The following NOC3L variants were observed in gnomAD, a reference collection of about 807,000 sequenced individuals.
NOC3L encodes nucleolar complex protein 3 homolog.
Under a neutral mutation model 102.5 loss-of-function variants are expected in NOC3L, and 85 were observed. The ratio of observed to expected loss-of-function variants is 0.83; its 90% CI spans 0.70 to 0.99. The LOEUF (loss-of-function observed/expected upper bound fraction) is 0.99. Among genes scored for constraint, NOC3L ranks in the 50% least tolerant of loss-of-function variants. The pLI is 0.00. For missense variants in NOC3L, 878 were observed against 914.9 expected, an observed-to-expected ratio of 0.96 and a Z score of 0.52; for synonymous variants, 303 against 309.4, an observed-to-expected ratio of 0.98 and a Z score of 0.22.
In NOC3L at chr10:94,334,776, AATTAG is replaced by A. The variant is rs1330591201; in HGVS notation, c.2190-63_2190-59del. ...CACCACATCTGTGTAACTCAAAAAT[AATTAG>A]ATTATACTCAGAGAATGATTCATTC... On this transcript the variant is annotated intron_variant, in intron 19 of 20. Transcript: ENST00000371361. 6.0e-6 allele frequency: 7 copies of A among 1,173,788 alleles called. No individual in the cohort carries two copies. In the African/African-American group the frequency reaches 1.1e-4, roughly 18 times the overall value. 72.7% of individuals were successfully genotyped at this position (1,173,788 alleles called of 1,614,324 possible).
At chr10:94,327,988 A>G in the NOC3L span, 1 of 532,512 alleles carries the variant, frequency 1.9e-6, no homozygotes. Flanking sequence ...TTAAGCAAGA[A>G]GTTAAAGAGT....
downstream of NOC3L, chr10:94,332,868 A>G (rs1203512945): frequency 1.3e-5 from 2 of 152,218 alleles, no homozygotes; most frequent in African/African-American, 4.8e-5. Flanking sequence ...TTGGTTATCC[A>G]CACAAATATT....
the NOC3L span, chr10:94,324,776 C>T: frequency 9.0e-7 from 1 of 1,113,908 alleles, no homozygotes. Flanking sequence ...AGCTCCTCAG[C>T]CCTACTCTCT....
At position 94,355,014 on chromosome 10, in the gene NOC3L, C is replaced by CTTCTTCTCCTGTAAT; in HGVS notation, c.630_644dup (p.Leu211_Lys215dup). The CTTCTTCTCCTGTAAT allele has an allele frequency of 6.2e-7, 1 of 1,613,192 alleles. No individual in the cohort carries two copies. The highest frequency in any genetic ancestry group is 8.5e-7 in the Non-Finnish European group (1 of 1,179,654). ...CAGATGCCAAGGCTGCAATATGCAT[C>CTTCTTCTCCTGTAAT]TTCTTCTCCTGTAATTTCTTCTTTC... On this transcript the variant is annotated inframe_insertion, in exon 6 of 21. Coordinates refer to ENST00000371361, the MANE Select transcript of NOC3L (RefSeq NM_022451.11).
chr10:94,320,561 GGTTA>G, the NOC3L span, among the ~76,000 whole-genome samples: 93 of 152,252 alleles, frequency 6.1e-4, no homozygotes, highest in African/African-American at 2.1e-3. Flanking sequence ...GGATTCTTCT[GGTTA>G]GTTAGTTAGC....
chr10:94,333,106 T>C (rs1426764814), downstream of NOC3L: 2 of 152,204 alleles, frequency 1.3e-5, no homozygotes, highest in African/African-American at 4.8e-5. Flanking sequence ...GTTTACTTCA[T>C]GTGAAAAAAG....
At chr10:94,336,823 CTT>C (rs1190308519) in intron 19 of NOC3L, among the ~76,000 whole-genome samples, 2 of 151,774 alleles carry the variant, frequency 1.3e-5, no homozygotes, top group African/African-American at 4.8e-5. Context: ...AATCCCAACA[CTT>C]TAGGAGGCCA....
intron 13 of NOC3L, 101 bp from the exon 14 acceptor site, chr10:94,341,846 T>C (rs1370826220): frequency 3.2e-6 from 2 of 626,514 alleles, no homozygotes; most frequent in Admixed American, 3.3e-5. Flanking sequence ...ATTCTTTATT[T>C]CGAAATGTTA....
chr10:94,323,542 A>G, the NOC3L span, among the ~76,000 whole-genome samples: 1 of 152,240 alleles, frequency 6.6e-6, no homozygotes, highest in African/African-American at 2.4e-5. Context: ...ACTACATGGT[A>G]AGTCACCACA....
At chr10:94,319,872 T>A in the NOC3L span, among the ~76,000 whole-genome samples, 2 of 131,174 alleles carry the variant, frequency 1.5e-5, no homozygotes, top group Non-Finnish European at 3.1e-5. Context: ...CTCTTTTTTT[T>A]TTTTTTTTTT....
intron 13 of NOC3L, among the ~76,000 whole-genome samples, chr10:94,342,213 G>A (rs1279441527): frequency 1.3e-5 from 2 of 152,072 alleles, no homozygotes; most frequent in African/African-American, 4.8e-5. Flanking sequence ...AATTACCTGC[G>A]TGATCCTAGG....
At chr10:94,325,023 G>C in the NOC3L span, 1 of 1,613,614 alleles carries the variant, frequency 6.2e-7, no homozygotes, top group Non-Finnish European at 8.5e-7. Context: ...TCCAAACCAA[G>C]GAGGAGAAAC....
intron 10 of NOC3L, among the ~76,000 whole-genome samples, chr10:94,349,044 G>A (rs1306513025): frequency 6.6e-6 from 1 of 151,922 alleles, no homozygotes; most frequent in Admixed American, 6.6e-5. Context: ...AAGTATATAT[G>A]ACTATATCTG....
intron 2 of NOC3L, 63 bp downstream of exon 2, chr10:94,361,602 T>C: frequency 6.6e-7 from 1 of 1,508,298 alleles, no homozygotes. Flanking sequence ...CAAAGTTATT[T>C]CCATGAAGAA....
the NOC3L span, chr10:94,324,671 G>A: frequency 1.9e-6 from 2 of 1,066,292 alleles, no homozygotes; most frequent in African/African-American, 3.1e-5. Flanking sequence ...AAGTTCCTGA[G>A]TCAAGGAATG....
intron 13 of NOC3L, among the ~76,000 whole-genome samples, chr10:94,344,026 G>A (rs2054315150): frequency 6.6e-6 from 1 of 152,144 alleles, no homozygotes; most frequent in African/African-American, 2.4e-5. Context: ...TATCTTAGCA[G>A]AAACACATTA....
chr10:94,359,646 C>T (rs1282268319), intron 2 of NOC3L, among the ~76,000 whole-genome samples: 1 of 152,126 alleles, frequency 6.6e-6, no homozygotes, highest in Admixed American at 6.5e-5. Flanking sequence ...AGGTGCTCAA[C>T]ATCATTGATC....
At chr10:94,328,431 T>C (rs1233083633), downstream of NOC3L, 2 of 152,078 alleles carry the variant, frequency 1.3e-5, no homozygotes, top group Non-Finnish European at 2.9e-5. Context: ...ACAAATACTC[T>C]TGTTTTGACT....
chr10:94,352,504 AAAAAAAC>A (rs141353669), intron 7 of NOC3L, 101 bp from the exon 8 acceptor site: 51,617 of 755,178 alleles, frequency 0.068, 2,313 homozygotes, highest in Middle Eastern at 0.14. Flanking sequence ...AGTACTATTT[AAAAAAAC>A]AAAAAACAAA....
Sources: allele counts gnomAD v4.1 joint callset (sites outside exome capture counted in the v4.1 genomes callset), GRCh38; gene constraint gnomAD v4.1.1; transcripts MANE v1.5; gene names NCBI Gene and HGNC (gene_info 2026-07-23, HGNC 2026-07-21).